The following PBX3 variants were observed in gnomAD, a reference collection of about 807,000 sequenced individuals.
PBX3 encodes the protein PBX homeobox 3, also known as pre-B-cell leukemia transcription factor 3.
PBX3 carries 14 observed loss-of-function variants against 48.5 expected under a neutral mutation model. That is an observed-to-expected ratio of 0.29 (90% CI 0.19 to 0.45). PBX3 has a LOEUF of 0.45. Ranked by LOEUF, PBX3 falls within the 20% of genes least tolerant of loss-of-function variation. PBX3 has a pLI of 1.00. For synonymous variants in PBX3, 210 were observed against 200.3 expected (o/e 1.05, Z -0.41); for missense variants, 386 against 546.7 (o/e 0.71, Z 2.93).
At chr9:125,785,981 G>A (rs1837447811) in intron 2 of PBX3, among the ~76,000 whole-genome samples, 1 of 148,866 alleles carries the variant, frequency 6.7e-6, no homozygotes, top group Non-Finnish European at 1.5e-5. Flanking sequence ...CATGGTTGCT[G>A]TAAACCTTTG....
At chr9:125,830,602 C>G (rs1208325425) in intron 2 of PBX3, among the ~76,000 whole-genome samples, 9 of 152,058 alleles carry the variant, frequency 5.9e-5, no homozygotes, top group Non-Finnish European at 1.2e-4. Context: ...ATCATATCCT[C>G]TATAATAGTA....
At chr9:125,906,736 T>C (rs535150336) in intron 2 of PBX3, among the ~76,000 whole-genome samples, 2 of 152,188 alleles carry the variant, frequency 1.3e-5, no homozygotes, top group Admixed American at 1.3e-4. Flanking sequence ...TTTTGTATTA[T>C]GTGTGTATGG....
chr9:125,918,476 A>C (rs1564172957), intron 3 of PBX3, among the ~76,000 whole-genome samples: 1 of 152,064 alleles, frequency 6.6e-6, no homozygotes, highest in Non-Finnish European at 1.5e-5. Flanking sequence ...TAAATTGAAG[A>C]TCAAATTGGG....
intron 2 of PBX3, among the ~76,000 whole-genome samples, chr9:125,900,093 C>T (rs2132419440): frequency 6.6e-6 from 1 of 151,716 alleles, no homozygotes; most frequent in East Asian, 1.9e-4. Context: ...ATAGTAATAT[C>T]CACCCTAATT....
intron 5 of PBX3, among the ~76,000 whole-genome samples, chr9:125,951,333 T>G (rs1842192005): frequency 6.6e-6 from 1 of 152,154 alleles, no homozygotes; most frequent in Non-Finnish European, 1.5e-5. Context: ...ACAGGCGCTC[T>G]TGGTCTTCTG....
intron 2 of PBX3, among the ~76,000 whole-genome samples, chr9:125,797,046 A>G (rs1003504584): frequency 3.3e-5 from 5 of 152,106 alleles, no homozygotes; most frequent in Non-Finnish European, 7.4e-5. Flanking sequence ...CCATTATGCT[A>G]ATGAACGTTT....
intron 2 of PBX3, among the ~76,000 whole-genome samples, chr9:125,855,955 A>C (rs1193074059): frequency 6.6e-6 from 1 of 152,194 alleles, no homozygotes; most frequent in African/African-American, 2.4e-5. Flanking sequence ...TTGGAGGTTT[A>C]AATCTATATG....
chr9:125,848,797 T>A (rs1189020919), intron 2 of PBX3, among the ~76,000 whole-genome samples: 1 of 152,032 alleles, frequency 6.6e-6, no homozygotes, highest in Non-Finnish European at 1.5e-5. Context: ...TTCTTGTGGA[T>A]CTGTTCATAC....
chr9:125,946,181 A>G (rs1842059737), intron 5 of PBX3, among the ~76,000 whole-genome samples: 1 of 152,176 alleles, frequency 6.6e-6, no homozygotes, highest in Non-Finnish European at 1.5e-5. Flanking sequence ...TCTGCCTTAG[A>G]ATACCTTATT....
chr9:125,794,055 G>T (rs1357178071), intron 2 of PBX3, among the ~76,000 whole-genome samples: 1 of 152,102 alleles, frequency 6.6e-6, no homozygotes, highest in African/African-American at 2.4e-5. Flanking sequence ...CAAATATGAT[G>T]TTTTCTTACA....
At chr9:125,874,317 T>C (rs886817530) in intron 2 of PBX3, among the ~76,000 whole-genome samples, 13 of 152,126 alleles carry the variant, frequency 8.5e-5, no homozygotes, top group Non-Finnish European at 1.6e-4. Flanking sequence ...TAAACAAAAG[T>C]GTACTCTAAA....
intron 2 of PBX3, among the ~76,000 whole-genome samples, chr9:125,812,840 G>A (rs142759795): frequency 8.3e-4 from 127 of 152,260 alleles, no homozygotes; most frequent in African/African-American, 2.9e-3. Context: ...TTAACACAGT[G>A]GTATTTGTGT....
chr9:125,862,673 C>A (rs1375787901), intron 2 of PBX3, among the ~76,000 whole-genome samples: 1 of 152,124 alleles, frequency 6.6e-6, no homozygotes, highest in African/African-American at 2.4e-5. Context: ...GTGTGAGCCA[C>A]TGCCCCTGGC....
intron 2 of PBX3, among the ~76,000 whole-genome samples, chr9:125,780,964 C>T (rs1480539778): frequency 2.6e-4 from 25 of 97,038 alleles, no homozygotes; most frequent in East Asian, 1.1e-3. Context: ...GACGGGGTTG[C>T]GGCCGGGCAG....
At chr9:125,752,202 A>G (rs545018143) in intron 2 of PBX3, among the ~76,000 whole-genome samples, 6 of 152,148 alleles carry the variant, frequency 3.9e-5, no homozygotes, top group Non-Finnish European at 7.4e-5. Context: ...AATGGCATAC[A>G]TGATGGTTTG....
chr9:125,934,528 C>G (rs1472754096), intron 4 of PBX3, among the ~76,000 whole-genome samples: 11 of 152,076 alleles, frequency 7.2e-5, no homozygotes, highest in Admixed American at 2.6e-4. Context: ...GACATTTTTG[C>G]TACTTGAAAT....
At chr9:125,931,664 G>T (rs142591467) in intron 4 of PBX3, among the ~76,000 whole-genome samples, 148 of 152,110 alleles carry the variant, frequency 9.7e-4, no homozygotes, top group African/African-American at 3.3e-3. Context: ...GGATATATTG[G>T]TAAACAAGAC....
chr9:125,882,331 C>G (rs184004221), intron 2 of PBX3, among the ~76,000 whole-genome samples: 14 of 151,066 alleles, frequency 9.3e-5, no homozygotes, highest in Non-Finnish European at 1.6e-4. Flanking sequence ...TTTTAGAAAT[C>G]TAATGTTACA....
chr9:125,839,237 A>AT (rs1008537058), intron 2 of PBX3, among the ~76,000 whole-genome samples: 1 of 152,218 alleles, frequency 6.6e-6, no homozygotes, highest in African/African-American at 2.4e-5. Context: ...TACCCACAGA[A>AT]GATACTCAAT....
Sources: allele counts gnomAD v4.1 joint callset (sites outside exome capture counted in the v4.1 genomes callset), GRCh38; gene constraint gnomAD v4.1.1; transcripts MANE v1.5; gene names NCBI Gene and HGNC (gene_info 2026-07-23, HGNC 2026-07-21).